Variants in ACACA observed in about 807,000 individuals in gnomAD.
ACACA encodes the protein acetyl-CoA carboxylase 1.
A neutral mutation model predicts 296.1 loss-of-function variants in ACACA; 103 were observed. That is an observed-to-expected ratio of 0.35 (90% CI 0.30 to 0.41). ACACA has a LOEUF of 0.41. Ranked by LOEUF, ACACA falls within the 10% of genes least tolerant of loss-of-function variation. ACACA has a pLI of 1.00. For synonymous variants in ACACA, 953 were observed against 1,038.6 expected (o/e 0.92, Z 1.58); for missense variants, 1,554 against 2,989.7 (o/e 0.52, Z 11.20).
chr17:37,322,504 C>T (rs185659198), intron 3 of ACACA, among the ~76,000 whole-genome samples: 6 of 152,268 alleles, frequency 3.9e-5, no homozygotes, highest in African/African-American at 1.4e-4. Flanking sequence ...CTGTCAAGGG[C>T]TCCACCTTTG....
intron 35 of ACACA, among the ~76,000 whole-genome samples, chr17:37,195,253 A>C (rs2077940753): frequency 6.6e-6 from 1 of 152,194 alleles, no homozygotes; most frequent in Non-Finnish European, 1.5e-5. Flanking sequence ...TTAGGATGCC[A>C]TTTATTTAAT....
chr17:37,308,126 C>T (rs1248374739), intron 3 of ACACA, among the ~76,000 whole-genome samples: 1 of 151,980 alleles, frequency 6.6e-6, no homozygotes, highest in African/African-American at 2.4e-5. Context: ...AATCACATAG[C>T]GTATATGCTC....
intron 39 of ACACA, among the ~76,000 whole-genome samples, chr17:37,184,723 C>T (rs1412373689): frequency 1.3e-5 from 2 of 151,818 alleles, no homozygotes; most frequent in South Asian, 2.1e-4. Flanking sequence ...GTGGTAGACG[C>T]CTTTAGTCCC....
At position 37,243,363 on chromosome 17, in the gene ACACA, A is replaced by G. The variant is rs1214706478; in HGVS notation, c.2931+8T>C. On this transcript the variant is annotated splice_region_variant and intron_variant, in intron 22 of 55. Coordinates refer to ENST00000616317, the MANE Select transcript of ACACA (RefSeq NM_198834.3). ...CCAGAAAAAAATATAGTGTTATCCT[A>G]TAAATACCTGCTGGCTGGGAAACTG... The G allele has an allele frequency of 1.2e-6, 2 of 1,613,460 alleles. No individual in the cohort carries two copies. Among genetic ancestry groups the G allele is most frequent in the South Asian group, 1.1e-5 (1 of 91,072 alleles).
intron 27 of ACACA, 128 bp from the exon 28 acceptor site, chr17:37,223,729 G>A (rs2079402145): frequency 1.4e-6 from 1 of 720,740 alleles, no homozygotes; most frequent in Non-Finnish European, 2.5e-6. Flanking sequence ...ATCTCTCTGT[G>A]CCTCAGCTTC....
chr17:37,121,522 A>G, intron 49 of ACACA, 32 bp from the exon 50 acceptor site: 1 of 1,613,668 alleles, frequency 6.2e-7, no homozygotes. Flanking sequence ...GACACAATTA[A>G]CAACACAGCT....
Position 37,323,436 on chromosome 17 carries a change from A to C in ACACA, c.338+6737T>G, listed in dbSNP as rs546729022. ...ATAGCAAGACCCCATCTCTAAAAAA[A>C]TTTTAAAAATTAGCTCAGCACGGTG... On this transcript the variant is annotated intron_variant, in intron 3 of 55. Coordinates refer to ENST00000616317, the MANE Select transcript of ACACA (RefSeq NM_198834.3). Among the ~76,000 whole-genome samples, 3 of 152,368 alleles carry C rather than the reference A, an allele frequency of 2.0e-5. No homozygotes were observed. The East Asian group carries it at 5.8e-4, about 29-fold the overall frequency.
intron 35 of ACACA, among the ~76,000 whole-genome samples, chr17:37,194,312 A>G (rs1203370781): frequency 6.6e-6 from 1 of 152,108 alleles, no homozygotes; most frequent in Non-Finnish European, 1.5e-5. Context: ...CACATCCTCA[A>G]TGAGCTTTAG....
intron 3 of ACACA, among the ~76,000 whole-genome samples, chr17:37,299,935 C>T (rs527721518): frequency 2.6e-5 from 4 of 152,176 alleles, no homozygotes; most frequent in African/African-American, 7.2e-5. Context: ...TCAGACTGCA[C>T]GGTGGGGAAA....
chr17:37,179,293 C>A lies in ACACA; in HGVS notation c.5046G>T (p.Leu1682=). The A allele has an allele frequency of 6.2e-7, 1 of 1,614,086 alleles. No individual in the cohort carries two copies. The highest frequency in any genetic ancestry group is 8.5e-7 in the Non-Finnish European group (1 of 1,180,000). The change falls in exon 41 of 56, where the codon CTG becomes CTT. Residue 1682 remains leucine (L), a synonymous_variant. Coordinates refer to ENST00000616317, the MANE Select transcript of ACACA (RefSeq NM_198834.3). ...CTCCTGGAAGCCTGTTCATGTGGAC[C>A]AGCTGACCTTGATCATCCAGTACCA... ...TELVLDDQGQ[L]VHMNRLPGGN...
intron 10 of ACACA, 79 bp downstream of exon 10, chr17:37,270,672 C>T: frequency 8.9e-7 from 1 of 1,122,784 alleles, no homozygotes; most frequent in Admixed American, 1.8e-5. Flanking sequence ...TTCTGGGCAT[C>T]CAAATTATAG....
chr17:37,299,495 A>C, intron 3 of ACACA: 21 of 1,478,400 alleles, frequency 1.4e-5, no homozygotes, highest in Non-Finnish European at 1.8e-5. Flanking sequence ...GATGGCCTCA[A>C]ACTATAGTCT....
intron 35 of ACACA, among the ~76,000 whole-genome samples, chr17:37,195,214 A>T (rs2077938035): frequency 6.6e-6 from 1 of 152,198 alleles, no homozygotes; most frequent in African/African-American, 2.4e-5. Context: ...CGCCTTAACT[A>T]TTATTAGCTA....
intron 39 of ACACA, among the ~76,000 whole-genome samples, chr17:37,182,764 G>C (rs770758591): frequency 6.6e-6 from 1 of 152,308 alleles, no homozygotes; most frequent in African/African-American, 2.4e-5. Context: ...TTGTGGACCT[G>C]ATATATATGC....
At chr17:37,139,614 A>G (rs2075477734) in intron 45 of ACACA, among the ~76,000 whole-genome samples, 1 of 152,218 alleles carries the variant, frequency 6.6e-6, no homozygotes, top group African/African-American at 2.4e-5. Flanking sequence ...AATATCCTCC[A>G]ACCTTATTTC....
chr17:37,374,659 A>T (rs2049930584), intron 1 of ACACA, among the ~76,000 whole-genome samples: 1 of 152,168 alleles, frequency 6.6e-6, no homozygotes, highest in South Asian at 2.1e-4. Flanking sequence ...GACACTAAAA[A>T]AATACAAATT....
intron 10 of ACACA, among the ~76,000 whole-genome samples, chr17:37,265,436 T>C (rs570430418): frequency 6.6e-6 from 1 of 152,184 alleles, no homozygotes; most frequent in Non-Finnish European, 1.5e-5. Context: ...CATTTTCTCA[T>C]GAGTCATGTC....
At chr17:37,337,694 C>G (rs1042678059) in intron 2 of ACACA, among the ~76,000 whole-genome samples, 1 of 151,744 alleles carries the variant, frequency 6.6e-6, no homozygotes, top group Admixed American at 6.6e-5. Context: ...CTCAAGTGAT[C>G]CTCCCACCTT....
intron 3 of ACACA, among the ~76,000 whole-genome samples, chr17:37,311,189 T>C (rs2084123275): frequency 6.6e-6 from 1 of 152,130 alleles, no homozygotes; most frequent in African/African-American, 2.4e-5. Context: ...GAAGTAGGGA[T>C]AGCACTTCTG....
Sources: allele counts gnomAD v4.1 joint callset (sites outside exome capture counted in the v4.1 genomes callset), GRCh38; gene constraint gnomAD v4.1.1; transcripts MANE v1.5; gene names NCBI Gene and HGNC (gene_info 2026-07-23, HGNC 2026-07-21).